The following SSBP3 variants were observed in gnomAD, a reference collection of about 807,000 sequenced individuals.
The protein encoded by SSBP3 is single-stranded DNA-binding protein 3.
Under a neutral mutation model 69.6 loss-of-function variants are expected in SSBP3, and 5 were observed. The ratio of observed to expected loss-of-function variants is 0.07; its 90% CI spans 0.04 to 0.15. The LOEUF is 0.15. Ranked by LOEUF, SSBP3 falls within the 10% of genes least tolerant of loss-of-function variation. The pLI, the probability that SSBP3 is intolerant of heterozygous loss-of-function variation, is 1.00. For synonymous variants in SSBP3, 196 were observed against 193.4 expected, an observed-to-expected ratio of 1.01 and a Z score of -0.11; for missense variants, 312 against 534.0, an observed-to-expected ratio of 0.58 and a Z score of 4.10.
At chr1:54,301,568 G>T (rs565661600) in intron 4 of SSBP3, among the ~76,000 whole-genome samples, 1 of 152,158 alleles carries the variant, frequency 6.6e-6, no homozygotes, top group Non-Finnish European at 1.5e-5. Flanking sequence ...TCCCTCCCAC[G>T]CGGGGACCCT....
At chr1:54,234,029 G>C (rs1056952783) in intron 14 of SSBP3, among the ~76,000 whole-genome samples, 1 of 151,940 alleles carries the variant, frequency 6.6e-6, no homozygotes. Context: ...TTGGGATCCT[G>C]TTGATCTGTG....
chr1:54,275,886 C>T (rs1024263482), intron 5 of SSBP3, among the ~76,000 whole-genome samples: 3 of 152,188 alleles, frequency 2.0e-5, no homozygotes, highest in African/African-American at 7.2e-5. Context: ...CAGAGAAACC[C>T]CAGCTACTTC....
intron 4 of SSBP3, among the ~76,000 whole-genome samples, chr1:54,394,683 T>C (rs1648731431): frequency 6.8e-6 from 1 of 146,116 alleles, no homozygotes; most frequent in Admixed American, 6.8e-5. Context: ...GCTCACTGTC[T>C]CCTTAAGACT....
intron 4 of SSBP3, among the ~76,000 whole-genome samples, chr1:54,339,748 A>C (rs1358979765): frequency 6.6e-6 from 1 of 151,998 alleles, no homozygotes; most frequent in Non-Finnish European, 1.5e-5. Flanking sequence ...CCCCATCTCT[A>C]CTAAAAATAC....
chr1:54,378,749 G>A (rs990518086), intron 4 of SSBP3, among the ~76,000 whole-genome samples: 3 of 152,118 alleles, frequency 2.0e-5, no homozygotes, highest in African/African-American at 7.2e-5. Context: ...GTGAGTGGCC[G>A]GCGGGCACAA....
chr1:54,356,409 A>G (rs1646866737), intron 4 of SSBP3: 1 of 152,232 alleles, frequency 6.6e-6, no homozygotes, highest in South Asian at 2.1e-4. Flanking sequence ...CAAACTTTTC[A>G]CGCACCTGGC....
chr1:54,233,739 A>G (rs541725608), intron 14 of SSBP3, among the ~76,000 whole-genome samples: 141 of 150,358 alleles, frequency 9.4e-4, no homozygotes, highest in Middle Eastern at 3.5e-3. Context: ...CCGCCCAGCC[A>G]GCTGCCCCGT....
At chr1:54,374,647 G>T (rs1293425676) in intron 4 of SSBP3, among the ~76,000 whole-genome samples, 4 of 152,130 alleles carry the variant, frequency 2.6e-5, no homozygotes, top group Non-Finnish European at 5.9e-5. Context: ...GGAACAAGCT[G>T]TCCCCATCCC....
chr1:54,344,860 G>C (rs1438565427), intron 4 of SSBP3, among the ~76,000 whole-genome samples: 1 of 152,144 alleles, frequency 6.6e-6, no homozygotes, highest in Admixed American at 6.5e-5. Context: ...TAAAAAGAAA[G>C]AAATTAACAC....
intron 4 of SSBP3, among the ~76,000 whole-genome samples, chr1:54,386,704 TAA>T (rs1648116732): frequency 2.8e-5 from 4 of 140,986 alleles, no homozygotes; most frequent in Non-Finnish European, 6.2e-5. Flanking sequence ...TTTTTTTTTT[TAA>T]GAGATGGAGT....
intron 14 of SSBP3, among the ~76,000 whole-genome samples, chr1:54,234,332 A>G (rs1292763282): frequency 6.8e-6 from 1 of 146,062 alleles, no homozygotes; most frequent in African/African-American, 2.6e-5. Flanking sequence ...GAAACACCCA[A>G]GAATTATCAA....
chr1:54,394,632 G>A (rs1648727170), intron 4 of SSBP3, among the ~76,000 whole-genome samples: 1 of 150,196 alleles, frequency 6.7e-6, no homozygotes. Context: ...GCCAGAACCA[G>A]CTTCCCATGG....
rs918030862 is a variant in SSBP3, at chr1:54,228,633, T to A, written c.1006+115A>T. ...CGGCATCCCTCTCAGGATCGTCCTG[T>A]GTGCCCAGCCAAGGCCGGCCAGGGC... On this transcript the variant is annotated intron_variant, in intron 15 of 17. Transcript: ENST00000610401. The A allele has an allele frequency of 1.3e-5, 19 of 1,474,000 alleles. No homozygotes were observed. In the African/African-American group the frequency reaches 2.6e-4, roughly 21 times the overall value. 91.3% of individuals were successfully genotyped at this position (1,474,000 alleles called of 1,614,324 possible). A position where few individuals can be genotyped will look rare whatever the true frequency, so the allele number is the denominator to read the frequency against.
At chr1:54,259,124 C>T (rs1644973655) in intron 5 of SSBP3, among the ~76,000 whole-genome samples, 1 of 151,632 alleles carries the variant, frequency 6.6e-6, no homozygotes, top group South Asian at 2.1e-4. Flanking sequence ...CTGACCCCCA[C>T]CCCCACCGCC....
intron 4 of SSBP3, among the ~76,000 whole-genome samples, chr1:54,342,114 A>T (rs981750179): frequency 6.6e-6 from 1 of 152,216 alleles, no homozygotes; most frequent in African/African-American, 2.4e-5. Context: ...TGCGGAGAGC[A>T]CCAGGAGAGG....
chr1:54,341,235 C>T (rs1370007580), intron 4 of SSBP3, among the ~76,000 whole-genome samples: 1 of 152,086 alleles, frequency 6.6e-6, no homozygotes, highest in African/African-American at 2.4e-5. Flanking sequence ...TTCCACCTAC[C>T]AAGACAACAT....
intron 4 of SSBP3, among the ~76,000 whole-genome samples, chr1:54,331,207 G>A (rs920142538): frequency 6.6e-6 from 1 of 152,108 alleles, no homozygotes; most frequent in Non-Finnish European, 1.5e-5. Context: ...AGACAAAGGC[G>A]CATTGTCTGG....
chr1:54,354,429 A>G (rs1646831061), intron 4 of SSBP3, among the ~76,000 whole-genome samples: 1 of 152,182 alleles, frequency 6.6e-6, no homozygotes, highest in South Asian at 2.1e-4. Flanking sequence ...CGAGAACTAC[A>G]GGAGAGACAC....
At chr1:54,272,530 A>G (rs1264297855) in intron 5 of SSBP3, among the ~76,000 whole-genome samples, 1 of 151,156 alleles carries the variant, frequency 6.6e-6, no homozygotes, top group Admixed American at 6.6e-5. Flanking sequence ...CAATTTGCTG[A>G]GAAGGTAGGT....
Sources: gnomAD v4.1 joint callset for allele counts (sites outside exome capture counted in the v4.1 genomes callset) on GRCh38, gnomAD v4.1.1 for gene constraint, MANE v1.5 for transcripts, NCBI Gene and HGNC (gene_info 2026-07-23, HGNC 2026-07-21) for gene names.